The following ZRANB3 variants were observed in gnomAD, a reference collection of about 807,000 sequenced individuals.
ZRANB3 encodes zinc finger RANBP2-type containing 3.
Under a neutral mutation model 133.8 loss-of-function variants are expected in ZRANB3, and 125 were observed. That is an observed-to-expected ratio of 0.93 (90% CI 0.81 to 1.08). ZRANB3 has a LOEUF of 1.08. Among genes scored for constraint, ZRANB3 ranks in the 50% least tolerant of loss-of-function variants. The pLI, the probability that ZRANB3 is intolerant of heterozygous loss-of-function variation, is 0.00. For missense variants in ZRANB3, 1,229 were observed against 1,275.5 expected (o/e 0.96, Z 0.56); for synonymous variants, 387 against 432.7 (o/e 0.89, Z 1.31).
At position 135,275,698 on chromosome 2, in the gene ZRANB3, G is replaced by A. The variant is rs1166733906; in HGVS notation, c.1024C>T (p.Leu342=). The A allele has an allele frequency of 6.2e-7, 1 of 1,607,762 alleles. No individual in the cohort carries two copies. Among genetic ancestry groups the A allele is most frequent in the Middle Eastern group, 1.7e-4 (1 of 6,034 alleles). ...ATGCTTAAATGGTGAGCAAAAACCA[G>A]AAATTTAAGCGAATCATTCTGAAGC... is the stretch of plus-strand genomic sequence containing the variant. ...MMLQNDSLKF[L]VFAHHLSMLQ... Residue 342 remains leucine (L), a synonymous_variant, in exon 9 of 21, where the codon CTG becomes TTG. Coordinates refer to ENST00000264159, the MANE Select transcript of ZRANB3 (RefSeq NM_032143.4).
chr2:135,510,767 C>G (rs1347197431), intron 1 of ZRANB3: 4 of 806,286 alleles, frequency 5.0e-6, no homozygotes, highest in Non-Finnish European at 6.8e-6. Flanking sequence ...TTGCGAAGGA[C>G]CTTCTGAACA....
chr2:135,475,579 T>G (rs1219245710), intron 2 of ZRANB3, among the ~76,000 whole-genome samples: 1 of 152,214 alleles, frequency 6.6e-6, no homozygotes, highest in Non-Finnish European at 1.5e-5. Flanking sequence ...CAGCTTTGGC[T>G]AAAGCTCATG....
Position 135,224,479 on chromosome 2 carries a change from T to A in ZRANB3, c.2197A>T (p.Thr733Ser), listed in dbSNP as rs746915144. ...KSSDTLPVYD[T>S]LMFCASRNTD... ...TTCCTACTTGCACAGAACATTAAGGTGTCATACACTGGCAAAGTGTCTGAA... is the reference window on the plus strand; with the variant it reads ...TTCCTACTTGCACAGAACATTAAGGAGTCATACACTGGCAAAGTGTCTGAA... Residue 733 changes from threonine (T) to serine (S), a missense_variant, in exon 15 of 21, where the codon ACC becomes TCC. Coordinates refer to ENST00000264159, the MANE Select transcript of ZRANB3 (RefSeq NM_032143.4). 1.2e-6 allele frequency: 2 copies of A among 1,613,402 alleles called. No individual in the cohort carries two copies. Among genetic ancestry groups the A allele is most frequent in the Non-Finnish European group, 1.7e-6 (2 of 1,179,564 alleles).
At chr2:135,308,404 G>A (rs1235556175) in intron 8 of ZRANB3, among the ~76,000 whole-genome samples, 1 of 152,098 alleles carries the variant, frequency 6.6e-6, no homozygotes, top group East Asian at 1.9e-4. Context: ...GTGTAAGAAA[G>A]GGGTATTGAA....
chr2:135,307,188 T>A (rs72982351), intron 8 of ZRANB3, among the ~76,000 whole-genome samples: 9,428 of 152,226 alleles, frequency 0.062, 572 homozygotes, highest in African/African-American at 0.16. Context: ...CACCTCAACC[T>A]CCTGAGTAGT....
At chr2:135,207,921 T>G in intron 18 of ZRANB3, 85 bp from the exon 19 acceptor site, 1 of 1,292,586 alleles carries the variant, frequency 7.7e-7, no homozygotes, top group Non-Finnish European at 1.0e-6. Context: ...TATCAAAGTT[T>G]CAATACGGAT....
intron 1 of ZRANB3, among the ~76,000 whole-genome samples, chr2:135,523,330 CAACAGCTCCCA>C (rs1482673470): frequency 1.3e-5 from 2 of 152,312 alleles, no homozygotes; most frequent in East Asian, 3.9e-4. Context: ...AGGATTAGCA[CAACAGCTCCCA>C]ACTGGACTCC....
intron 2 of ZRANB3, among the ~76,000 whole-genome samples, chr2:135,457,373 C>T (rs1690571734): frequency 6.6e-6 from 1 of 152,180 alleles, no homozygotes; most frequent in South Asian, 2.1e-4. Flanking sequence ...TTGTGAGGAA[C>T]TAGCAAACTG....
At chr2:135,321,509 T>C (rs911587682) in intron 6 of ZRANB3, among the ~76,000 whole-genome samples, 2 of 151,462 alleles carry the variant, frequency 1.3e-5, no homozygotes, top group Admixed American at 1.3e-4. Context: ...AGTCTCATTC[T>C]GTCGCCCAAA....
intron 3 of ZRANB3, among the ~76,000 whole-genome samples, chr2:135,383,659 G>C (rs749393675): frequency 2.6e-5 from 4 of 152,144 alleles, no homozygotes; most frequent in South Asian, 2.1e-4. Flanking sequence ...TCAGACCACA[G>C]TGCAATCAAA....
chr2:135,419,374 A>G (rs1688735526), intron 2 of ZRANB3, among the ~76,000 whole-genome samples: 1 of 151,862 alleles, frequency 6.6e-6, no homozygotes, highest in Non-Finnish European at 1.5e-5. Flanking sequence ...TGACATACAC[A>G]CGTGTGTGTG....
chr2:135,394,494 A>C (rs558417289), intron 2 of ZRANB3, among the ~76,000 whole-genome samples: 7 of 152,256 alleles, frequency 4.6e-5, no homozygotes, highest in African/African-American at 1.7e-4. Flanking sequence ...GCTGAAATTA[A>C]ACTAAAGCAA....
At chr2:135,414,371 T>C (rs1218082501) in intron 2 of ZRANB3, among the ~76,000 whole-genome samples, 2 of 151,920 alleles carry the variant, frequency 1.3e-5, no homozygotes, top group East Asian at 1.9e-4. Context: ...CATTACATGG[T>C]GGTAAAGGGA....
intron 2 of ZRANB3, among the ~76,000 whole-genome samples, chr2:135,461,453 C>A (rs1690759493): frequency 6.6e-6 from 1 of 152,116 alleles, no homozygotes; most frequent in Non-Finnish European, 1.5e-5. Flanking sequence ...TGCCTGTAAT[C>A]CTAGCTATTT....
intron 4 of ZRANB3, 121 bp from the exon 5 acceptor site, chr2:135,350,336 A>AGAT (rs1329896832): frequency 1.6e-6 from 1 of 639,140 alleles, no homozygotes; most frequent in East Asian, 2.8e-5. Flanking sequence ...AAATAAAAGG[A>AGAT]GATGGTACTA....
At chr2:135,525,655 C>G (rs1694123514) in intron 1 of ZRANB3, among the ~76,000 whole-genome samples, 1 of 152,104 alleles carries the variant, frequency 6.6e-6, no homozygotes, top group African/African-American at 2.4e-5. Flanking sequence ...CCAGACCTGC[C>G]TGGCCAACAT....
At chr2:135,476,504 A>C (rs568170921) in intron 2 of ZRANB3, among the ~76,000 whole-genome samples, 1 of 152,038 alleles carries the variant, frequency 6.6e-6, no homozygotes, top group African/African-American at 2.4e-5. Flanking sequence ...GGGTTCTTAT[A>C]CTCTTCTCTG....
In ZRANB3 at chr2:135,511,869, C is replaced by T. The variant is rs1023866240; in HGVS notation, c.-7-7373G>A. ...AAAATCTATGCAGCATGTCTGGGGC[C>T]TAGTTCAGCAGTGTGTAATGCTGTC... On this transcript the variant is annotated intron_variant, in intron 1 of 20. Coordinates refer to ENST00000264159, the MANE Select transcript of ZRANB3 (RefSeq NM_032143.4). 3.7e-5 allele frequency: 28 copies of T among 763,044 alleles called. No homozygotes were observed. In the African/African-American group the frequency reaches 4.4e-4, roughly 12 times the overall value. 47.3% of individuals were successfully genotyped at this position (763,044 alleles called of 1,614,324 possible).
chr2:135,298,800 T>C (rs1313741472), intron 8 of ZRANB3, among the ~76,000 whole-genome samples: 3 of 152,218 alleles, frequency 2.0e-5, no homozygotes, highest in African/African-American at 7.2e-5. Context: ...TGAATGCTGG[T>C]TGTGCTAGCA....
Sources: allele counts gnomAD v4.1 joint callset (sites outside exome capture counted in the v4.1 genomes callset), GRCh38; gene constraint gnomAD v4.1.1; transcripts MANE v1.5; gene names NCBI Gene and HGNC (gene_info 2026-07-23, HGNC 2026-07-21).